The following MED13L variants were observed in gnomAD, a reference collection of about 807,000 sequenced individuals.
MED13L encodes the protein mediator of RNA polymerase II transcription subunit 13-like.
Under a neutral mutation model 220.9 loss-of-function variants are expected in MED13L, and 7 were observed. That is an observed-to-expected ratio of 0.03 (90% CI 0.02 to 0.06). MED13L has a LOEUF of 0.06. Ranked by LOEUF, MED13L falls within the 10% of genes least tolerant of loss-of-function variation. MED13L has a pLI of 1.00. For missense variants in MED13L, 1,965 were observed against 2,760.5 expected, an observed-to-expected ratio of 0.71 and a Z score of 6.46; for synonymous variants, 1,011 against 1,015.2, an observed-to-expected ratio of 1.00 and a Z score of 0.08.
intron 23 of MED13L, among the ~76,000 whole-genome samples, chr12:115,980,233 A>T (rs1357895189): frequency 6.6e-6 from 1 of 152,236 alleles, no homozygotes; most frequent in Non-Finnish European, 1.5e-5. Context: ...ACATAAAAAA[A>T]ACAGTAAGAA....
rs545814533 is a variant in MED13L at position 116,266,028 on chromosome 12, C to T, written c.72+11032G>A. Among the ~76,000 whole-genome samples, 5 of 152,276 alleles carry T rather than the reference C, an allele frequency of 3.3e-5. No individual in the cohort carries two copies. In the East Asian group the frequency reaches 7.7e-4, roughly 24 times the overall value. Reference sequence around the variant, plus strand: ...AAATAGTGCATGCAGATCTTTTTTCCGCATATCAGTCTAGCCCTTTTGTTA... The same window carrying T: ...AAATAGTGCATGCAGATCTTTTTTCTGCATATCAGTCTAGCCCTTTTGTTA... On this transcript the variant is annotated intron_variant, in intron 1 of 30. Coordinates refer to ENST00000281928, the MANE Select transcript of MED13L (RefSeq NM_015335.5).
intron 2 of MED13L, among the ~76,000 whole-genome samples, chr12:116,194,106 C>T (rs889622694): frequency 9.9e-5 from 15 of 152,106 alleles, no homozygotes; most frequent in African/African-American, 2.7e-4. Context: ...GAGAAGATGA[C>T]GGAAGGGTAT....
intron 1 of MED13L, among the ~76,000 whole-genome samples, chr12:116,274,424 CAA>C (rs989877048): frequency 1.1e-5 from 1 of 89,638 alleles, no homozygotes; most frequent in Admixed American, 1.2e-4. Context: ...AAAAACAAAA[CAA>C]AAAAAAAAAA....
Position 116,003,007 on chromosome 12 carries a change from T to C in MED13L, c.2565A>G (p.Pro855=), listed in dbSNP as rs1367490018. The C allele has an allele frequency of 1.9e-6, 3 of 1,613,204 alleles. No individual in the cohort carries two copies. Among genetic ancestry groups the C allele is most frequent in the Admixed American group, 3.3e-5 (2 of 59,998 alleles). The change falls in exon 14 of 31, where the codon CCA becomes CCG. Residue 855 remains proline (P), a synonymous_variant. Transcript: ENST00000281928. ...GKDGRAAVPY[P]PTVADLQRMF... ...CAGTCAAGTTTCTCTACCTACTTGGTGGATAAGGAACAGCAGCTCTTCCAT... is the reference window on the plus strand; with the variant it reads ...CAGTCAAGTTTCTCTACCTACTTGGCGGATAAGGAACAGCAGCTCTTCCAT...
rs1398415991 is a variant in MED13L, at chr12:115,983,134, T to C, written c.4938A>G (p.Ser1646=). ...TAACATACCTCTCTTGTCCATCCTG[T>C]GAGGGCTGAGAAGAGCTCTGCCCAG... is the stretch of plus-strand genomic sequence containing the variant. The part of the protein sequence containing the change: ...TDPGQSSSQP[S]QDGQESVTER... The change falls in exon 21 of 31, where the codon TCA becomes TCG. Residue 1646 remains serine (S), a synonymous_variant. Transcript: ENST00000281928. The C allele has an allele frequency of 6.2e-7, 1 of 1,613,998 alleles. No individual in the cohort carries two copies. The highest frequency in any genetic ancestry group is 8.5e-7 in the Non-Finnish European group (1 of 1,179,928).
At chr12:116,189,368 T>C (rs1054389389) in intron 2 of MED13L, among the ~76,000 whole-genome samples, 2 of 152,136 alleles carry the variant, frequency 1.3e-5, no homozygotes, top group Non-Finnish European at 1.5e-5. Context: ...TTTTAATACT[T>C]TGCGTTGAGA....
chr12:116,093,806 T>C (rs1040392277), intron 4 of MED13L, among the ~76,000 whole-genome samples: 22 of 152,142 alleles, frequency 1.4e-4, no homozygotes, highest in Non-Finnish European at 8.8e-5. Context: ...GGCAACAGGT[T>C]TTCCTCTCCA....
chr12:116,079,194 T>C (rs1871040661), intron 4 of MED13L, among the ~76,000 whole-genome samples: 1 of 151,758 alleles, frequency 6.6e-6, no homozygotes, highest in Non-Finnish European at 1.5e-5. Context: ...AAGTCAGACA[T>C]AACTTTCCTC....
At position 115,970,694 on chromosome 12, in the gene MED13L, T is replaced by C; in HGVS notation, c.5967A>G (p.Gln1989=). The C allele has an allele frequency of 1.2e-6, 2 of 1,614,088 alleles. No homozygotes were observed. Among genetic ancestry groups the C allele is most frequent in the South Asian group, 1.1e-5 (1 of 91,070 alleles). ...CCAAGATGTGTGTACAAGAAGCATC[T>C]TGAGGGGTGTTGAGCTGAGATGACT... ...NMQSSQLNTP[Q]DASCTHILVF... The change falls in exon 27 of 31, where the codon CAA becomes CAG. Residue 1989 remains glutamine (Q), a synonymous_variant. Coordinates refer to ENST00000281928, the MANE Select transcript of MED13L (RefSeq NM_015335.5).
intron 2 of MED13L, among the ~76,000 whole-genome samples, chr12:116,217,584 G>T (rs1035862003): frequency 2.6e-5 from 4 of 152,100 alleles, no homozygotes; most frequent in African/African-American, 9.7e-5. Context: ...GTTACAGCAG[G>T]AACAAGAACT....
chr12:116,032,624 T>G (rs981625164), intron 4 of MED13L, among the ~76,000 whole-genome samples: 2 of 152,204 alleles, frequency 1.3e-5, no homozygotes. Context: ...ACATGGCTCC[T>G]CTCTTTACTT....
At chr12:116,168,189 G>T (rs1445983484) in intron 2 of MED13L, among the ~76,000 whole-genome samples, 1 of 151,760 alleles carries the variant, frequency 6.6e-6, no homozygotes, top group African/African-American at 2.4e-5. Context: ...TCAAAAAAAA[G>T]AAATTTTTAT....
chr12:115,990,698 G>A lies in MED13L; in HGVS notation c.3934+322C>T, dbSNP rs1259270624. Among the ~76,000 whole-genome samples, 8 of 152,216 alleles carry A rather than the reference G, an allele frequency of 5.3e-5. No individual in the cohort carries two copies. The East Asian group carries it at 1.5e-3, about 29-fold the overall frequency. On this transcript the variant is annotated intron_variant, in intron 17 of 30. Transcript: ENST00000281928. ...AAGAATGGTGGATTTAAGCATGCAA[G>A]AGTGTGCAAATTATCAGTCTGTAAG...
rs761541301 is a variant in MED13L, at chr12:116,008,824, G to A, written c.1589C>T (p.Ala530Val). The A allele has an allele frequency of 6.2e-6, 10 of 1,613,858 alleles. No homozygotes were observed. Among genetic ancestry groups the A allele is most frequent in the Middle Eastern group, 1.6e-4 (1 of 6,084 alleles). ...SSSRKYDKQM[A>V]VPSRNTSKQM... ...CTTGCTTGTATTTCTGGAAGGCACGGCCATTTGCTTATCATATTTCCTACT... is the reference window on the plus strand; with the variant it reads ...CTTGCTTGTATTTCTGGAAGGCACGACCATTTGCTTATCATATTTCCTACT... Residue 530 changes from alanine (A) to valine (V), a missense_variant, in exon 10 of 31, where the codon GCC (alanine) becomes GTC (valine). Transcript: ENST00000281928.
chr12:116,185,462 C>A (rs1377034398), intron 2 of MED13L, among the ~76,000 whole-genome samples: 1 of 151,762 alleles, frequency 6.6e-6, no homozygotes, highest in Non-Finnish European at 1.5e-5. Context: ...AAGACTATAA[C>A]TGCTATTAGG....
rs16946530 is a variant in MED13L, at chr12:116,172,302, A to G, written c.311-60790T>C. On this transcript the variant is annotated intron_variant, in intron 2 of 30. Coordinates refer to ENST00000281928, the MANE Select transcript of MED13L (RefSeq NM_015335.5). ...CGGATGTAAAAAATTCAACCAGATGAGAACACTAGCATATGATTCACCCCA... is the reference window on the plus strand; with the variant it reads ...CGGATGTAAAAAATTCAACCAGATGGGAACACTAGCATATGATTCACCCCA... Among the ~76,000 whole-genome samples, 889 of 152,338 alleles carry G rather than the reference A, an allele frequency of 5.8e-3. 12 individuals are homozygous for G. The highest frequency in any genetic ancestry group is 0.02 in the African/African-American group (836 of 41,572).
At chr12:116,104,585 C>G (rs1466077644) in intron 3 of MED13L, among the ~76,000 whole-genome samples, 1 of 152,158 alleles carries the variant, frequency 6.6e-6, no homozygotes, top group Non-Finnish European at 1.5e-5. Context: ...ACAGCAGCAC[C>G]AGCTGACTGC....
intron 2 of MED13L, among the ~76,000 whole-genome samples, chr12:116,205,854 T>C (rs1260108351): frequency 6.6e-6 from 1 of 151,544 alleles, no homozygotes; most frequent in Non-Finnish European, 1.5e-5. Context: ...TAACCATACA[T>C]ATTAACTTCT....
chr12:116,083,642 G>A (rs948119705), intron 4 of MED13L, among the ~76,000 whole-genome samples: 65 of 152,224 alleles, frequency 4.3e-4, no homozygotes, highest in African/African-American at 1.4e-3. Flanking sequence ...AGGAAAACTC[G>A]TAATAATGCA....
Sources: gnomAD v4.1 joint callset for allele counts (sites outside exome capture counted in the v4.1 genomes callset) on GRCh38, gnomAD v4.1.1 for gene constraint, MANE v1.5 for transcripts, NCBI Gene and HGNC (gene_info 2026-07-23, HGNC 2026-07-21) for gene names.